The following CUX1 variants were observed in gnomAD, a reference collection of about 807,000 sequenced individuals.
CUX1 encodes the protein cut like homeobox 1, also known as protein CASP.
Under a neutral mutation model 158.8 loss-of-function variants are expected in CUX1, and 31 were observed. That is an observed-to-expected ratio of 0.20 (90% CI 0.15 to 0.26). The LOEUF (loss-of-function observed/expected upper bound fraction) is 0.26. Ranked by LOEUF, CUX1 falls within the 10% of genes least tolerant of loss-of-function variation. CUX1 has a pLI of 1.00. For missense variants in CUX1, 1,589 were observed against 2,014.6 expected (o/e 0.79, Z 4.04); for synonymous variants, 879 against 862.1 (o/e 1.02, Z -0.34).
At chr7:102,039,845 G>C (rs946133794) in intron 3 of CUX1, among the ~76,000 whole-genome samples, 1 of 152,084 alleles carries the variant, frequency 6.6e-6, no homozygotes, top group African/African-American at 2.4e-5. Context: ...ATCGTTGGAA[G>C]GAGTGGAGCC....
At chr7:102,087,230 T>C (rs1828039159) in intron 4 of CUX1, among the ~76,000 whole-genome samples, 2 of 152,178 alleles carry the variant, frequency 1.3e-5, no homozygotes, top group Admixed American at 1.3e-4. Context: ...TTTTAATGTT[T>C]TTATCTCCCC....
chr7:102,209,943 G>A (rs1275104541), intron 20 of CUX1, among the ~76,000 whole-genome samples: 2 of 152,106 alleles, frequency 1.3e-5, no homozygotes, highest in African/African-American at 4.8e-5. Context: ...CTGGAGTGCA[G>A]TGACACAATC....
At chr7:102,193,748 G>A (rs1794509416) in intron 12 of CUX1, 94 bp from the exon 13 acceptor site, 13 of 1,292,036 alleles carry the variant, frequency 1.0e-5, no homozygotes, top group Non-Finnish European at 1.4e-5. Flanking sequence ...GTTGCAGTGA[G>A]CCAATATCGC....
chr7:102,028,181 C>G (rs779319768), intron 3 of CUX1, 36 bp downstream of exon 3: 9 of 1,601,882 alleles, frequency 5.6e-6, no homozygotes, highest in Non-Finnish European at 7.7e-6. Context: ...CCTGAGCCAC[C>G]CTTCGTGGCT....
chr7:102,198,702 T>C lies in CUX1; in HGVS notation c.1895-100T>C, dbSNP rs1586172222. The C allele has an allele frequency of 4.7e-6, 5 of 1,074,322 alleles. No homozygotes were observed. In the East Asian group the frequency reaches 9.7e-5, roughly 21 times the overall value. 66.5% of individuals were successfully genotyped at this position (1,074,322 alleles called of 1,614,324 possible). Reference sequence around the variant, plus strand: ...TGCACAGGCAGCCCTGAGCCCTTTCTTTAGTGACAGGCGGCTCAGATTTCA... The same window carrying C: ...TGCACAGGCAGCCCTGAGCCCTTTCCTTAGTGACAGGCGGCTCAGATTTCA... On this transcript the variant is annotated intron_variant, in intron 15 of 23. Transcript: ENST00000292535.
At chr7:101,817,071 G>A, upstream of CUX1, 1 of 984,636 alleles carries the variant, frequency 1.0e-6, no homozygotes, top group African/African-American at 1.7e-5. The surrounding 1 kb of genome is among the most constrained non-coding windows in gnomAD (Gnocchi z 4.1). Flanking sequence ...CTTGGCGAGG[G>A]GCGGCGGGGG....
intron 2 of CUX1, among the ~76,000 whole-genome samples, chr7:101,983,589 C>G (rs548073229): frequency 1.3e-5 from 2 of 152,278 alleles, no homozygotes; most frequent in East Asian, 1.9e-4. Flanking sequence ...GCAGGTTGTA[C>G]AAGAAGCATG....
At position 102,104,325 on chromosome 7, in the gene CUX1, C is replaced by A. The variant is rs200639308; in HGVS notation, c.407-11C>A. On this transcript the variant is annotated splice_polypyrimidine_tract_variant and intron_variant, in intron 5 of 23. Transcript: ENST00000292535. ...TCTCTTACTGTAGGTTTTTTTTTTT[C>A]TTTTCTGCAGAGGTTACGATAAAAG... 60 of 1,443,072 alleles carry A rather than the reference C, an allele frequency of 4.2e-5. No individual in the cohort carries two copies. The highest frequency in any genetic ancestry group is 1.9e-4 in the Middle Eastern group (1 of 5,284). 89.4% of individuals were successfully genotyped at this position (1,443,072 alleles called of 1,614,324 possible).
chr7:102,187,946 C>T (rs1055967099), intron 11 of CUX1, among the ~76,000 whole-genome samples: 20 of 152,088 alleles, frequency 1.3e-4, no homozygotes, highest in African/African-American at 4.3e-4. Context: ...TGGTGGCTCA[C>T]GCCTGTAATT....
At chr7:102,125,801 G>C (rs569507900) in intron 8 of CUX1, 1 of 150,872 alleles carries the variant, frequency 6.6e-6, no homozygotes, top group Admixed American at 6.7e-5. Context: ...GTCTCAGCCA[G>C]TCCTGCTGTT....
chr7:102,279,093 C>T (rs1404250714), intron 18 of CUX1, among the ~76,000 whole-genome samples: 3 of 151,888 alleles, frequency 2.0e-5, no homozygotes, highest in African/African-American at 4.8e-5. Flanking sequence ...GTAATCCCAG[C>T]GGTTTGGGAG....
chr7:101,831,933 G>C (rs1292327830), intron 1 of CUX1, among the ~76,000 whole-genome samples: 1 of 110,172 alleles, frequency 9.1e-6, no homozygotes, highest in African/African-American at 3.2e-5. Context: ...TTGTAGAGAT[G>C]GGGGGGTCTC....
At chr7:102,260,570 CTTTTTTT>C (rs55642237), downstream of CUX1, among the ~76,000 whole-genome samples, 1 of 51,060 alleles carries the variant, frequency 2.0e-5, no homozygotes, top group East Asian at 8.5e-4. Flanking sequence ...CCACACCTGG[CTTTTTTT>C]TTTTTTTTTT....
downstream of CUX1, among the ~76,000 whole-genome samples, chr7:102,262,171 A>T (rs1554544004): frequency 6.6e-6 from 1 of 152,186 alleles, no homozygotes; most frequent in East Asian, 1.9e-4. Flanking sequence ...TTGGGAGCCG[A>T]GGCGGGTGGA....
chr7:102,175,490 C>G (rs1792214607), intron 10 of CUX1, among the ~76,000 whole-genome samples: 1 of 152,084 alleles, frequency 6.6e-6, no homozygotes, highest in Non-Finnish European at 1.5e-5. Context: ...GCAGGGACTC[C>G]CCAGGGCTGC....
At chr7:101,880,097 T>C (rs937615789) in intron 1 of CUX1, among the ~76,000 whole-genome samples, 5 of 150,666 alleles carry the variant, frequency 3.3e-5, no homozygotes, top group Admixed American at 6.6e-5. Flanking sequence ...AAAAGGCTGT[T>C]TTTTTAAAAA....
intron 2 of CUX1, among the ~76,000 whole-genome samples, chr7:102,016,937 C>T (rs1239400289): frequency 1.3e-5 from 2 of 152,156 alleles, no homozygotes; most frequent in Non-Finnish European, 2.9e-5. Flanking sequence ...TTCAGAGAGT[C>T]CTGGGGTGAA....
rs1554518050 is a variant in CUX1, at chr7:102,195,568, A to G, written c.1187A>G (p.Asn396Ser). 4 of 1,612,588 alleles carry G rather than the reference A, an allele frequency of 2.5e-6. No homozygotes were observed. The East Asian group carries it at 6.7e-5, about 27-fold the overall frequency. Residue 396 changes from asparagine (N) to serine (S), a missense_variant, in exon 14 of 24, where the codon AAC (asparagine) becomes AGC (serine). Physicochemically the swap from Asn to Ser is conservative, Grantham distance 46. Coordinates refer to ENST00000292535, the MANE Select transcript of CUX1 (RefSeq NM_181552.4). ...LEKNRSLQSE[N>S]AALRISNSDL... ...AAGAACCGCTCGCTGCAGTCCGAGA[A>G]CGCCGCGCTGCGCATCTCCAACAGC...
chr7:102,220,492 G>T (rs906492900), intron 20 of CUX1, among the ~76,000 whole-genome samples: 1 of 152,226 alleles, frequency 6.6e-6, no homozygotes, highest in Non-Finnish European at 1.5e-5. Flanking sequence ...AGCAGGTCTG[G>T]TGCCCACATC....
Sources: gnomAD v4.1 joint callset for allele counts (sites outside exome capture counted in the v4.1 genomes callset) on GRCh38, gnomAD v4.1.1 for gene constraint, Gnocchi (gnomAD v3.1) non-coding constraint, MANE v1.5 for transcripts, NCBI Gene and HGNC (gene_info 2026-07-23, HGNC 2026-07-21) for gene names.